The following GRM1 variants were observed in gnomAD, a reference collection of about 807,000 sequenced individuals.
GRM1 encodes the protein glutamate metabotropic receptor 1.
GRM1 carries 33 observed loss-of-function variants against 90.9 expected under a neutral mutation model. The ratio of observed to expected loss-of-function variants is 0.36; its 90% CI spans 0.28 to 0.49. The LOEUF (loss-of-function observed/expected upper bound fraction) is 0.49, where lower values mean the gene tolerates loss of function less well. Among genes scored for constraint, GRM1 ranks in the 20% least tolerant of loss-of-function variants. GRM1 has a pLI of 0.99. For synonymous variants in GRM1, 700 were observed against 613.2 expected, an observed-to-expected ratio of 1.14 and a Z score of -2.09; for missense variants, 1,190 against 1,534.3, an observed-to-expected ratio of 0.78 and a Z score of 3.75.
At chr6:146,422,910 G>GAAAAA (rs935414968) in intron 7 of GRM1, among the ~76,000 whole-genome samples, 4 of 149,554 alleles carry the variant, frequency 2.7e-5, no homozygotes, top group African/African-American at 9.8e-5. Context: ...GAAAGGAAAG[G>GAAAAA]AAAAAGGAAT....
intron 7 of GRM1, among the ~76,000 whole-genome samples, chr6:146,426,828 G>A (rs1778229376): frequency 6.6e-6 from 1 of 152,096 alleles, no homozygotes; most frequent in East Asian, 1.9e-4. Context: ...ACACTGTCAA[G>A]TTGTTCATTT....
intron 1 of GRM1, among the ~76,000 whole-genome samples, chr6:146,088,614 C>T (rs1297591525): frequency 2.6e-5 from 4 of 152,096 alleles, no homozygotes; most frequent in Non-Finnish European, 5.9e-5. Context: ...TGTTTTAAGT[C>T]TTACCAGGAT....
At chr6:146,140,086 CTTTA>C in intron 1 of GRM1, among the ~76,000 whole-genome samples, 1 of 105,938 alleles carries the variant, frequency 9.4e-6, no homozygotes, top group East Asian at 3.1e-4. Flanking sequence ...TCCTTTCTTT[CTTTA>C]TTCTTTCTTT....
In GRM1 at chr6:146,394,490, A is replaced by G. The variant is rs540000392; in HGVS notation, c.1730-4279A>G. 3.3e-5 allele frequency among the ~76,000 whole-genome samples: 5 copies of G among 152,224 alleles called. No homozygotes were observed. In the South Asian group the frequency reaches 1.0e-3, roughly 32 times the overall value. ...ATTATATGGTTATTAGCATGCTCCA[A>G]GGTCTTTGGGTCAGCAGTTAACTTC... On this transcript the variant is annotated intron_variant, in intron 6 of 7. Transcript: ENST00000282753.
chr6:146,108,157 C>T (rs1583012672), intron 1 of GRM1, among the ~76,000 whole-genome samples: 1 of 152,090 alleles, frequency 6.6e-6, no homozygotes, highest in Admixed American at 6.6e-5. Flanking sequence ...TGCTAAGTTG[C>T]CTAGCTGATA....
At chr6:146,311,154 A>G (rs1783757618) in intron 3 of GRM1, among the ~76,000 whole-genome samples, 1 of 152,208 alleles carries the variant, frequency 6.6e-6, no homozygotes, top group South Asian at 2.1e-4. Flanking sequence ...AGCAAAGCCA[A>G]AAAGTTTTAT....
intron 6 of GRM1, among the ~76,000 whole-genome samples, chr6:146,387,295 T>C (rs1450881294): frequency 6.6e-6 from 1 of 152,096 alleles, no homozygotes; most frequent in Non-Finnish European, 1.5e-5. Flanking sequence ...TATTTGAAGG[T>C]ATTTCTGGCC....
At chr6:146,361,031 G>A (rs926301376) in intron 5 of GRM1, among the ~76,000 whole-genome samples, 12 of 152,208 alleles carry the variant, frequency 7.9e-5, no homozygotes, top group South Asian at 4.1e-4. Context: ...GTTCTGCTTC[G>A]TGTGGCCAAA....
intron 2 of GRM1, among the ~76,000 whole-genome samples, chr6:146,227,536 G>A (rs927375625): frequency 3.3e-5 from 5 of 152,074 alleles, no homozygotes; most frequent in Non-Finnish European, 7.4e-5. Context: ...TTTTTGATTT[G>A]ACAAATAGGA....
chr6:146,118,101 CATTT>C (rs960638436), intron 1 of GRM1, among the ~76,000 whole-genome samples: 1 of 148,836 alleles, frequency 6.7e-6, no homozygotes, highest in Non-Finnish European at 1.5e-5. Context: ...ATCTGACATA[CATTT>C]ATTTATTTAT....
At chr6:146,301,286 A>G (rs1783369337) in intron 2 of GRM1, among the ~76,000 whole-genome samples, 1 of 152,222 alleles carries the variant, frequency 6.6e-6, no homozygotes. Context: ...CTAGTGGTTA[A>G]GGAGACTTAG....
chr6:146,178,986 T>C (rs1778441241), intron 2 of GRM1, among the ~76,000 whole-genome samples: 1 of 152,202 alleles, frequency 6.6e-6, no homozygotes, highest in Non-Finnish European at 1.5e-5. Flanking sequence ...TCGATTTTAA[T>C]GCCTTGGAAG....
At chr6:146,423,702 T>G (rs1778091706) in intron 7 of GRM1, among the ~76,000 whole-genome samples, 1 of 152,132 alleles carries the variant, frequency 6.6e-6, no homozygotes, top group Non-Finnish European at 1.5e-5. Context: ...TGCACCACAC[T>G]GTGGGACTCT....
rs142271838 is a variant in GRM1 at position 146,382,306 on chromosome 6, A to G, written c.1603-4584A>G. Among the ~76,000 whole-genome samples the G allele has an allele frequency of 3.8e-3, 490 of 130,228 alleles. 5 individuals carry two copies. The highest frequency in any genetic ancestry group is 0.013 in the African/African-American group (469 of 36,360). 85.4% of individuals were successfully genotyped at this position (130,228 alleles called of 152,430 possible). ...GGAAACTAGAACATATATAAGAGAT[A>G]TAAGAACCTAAGATTTAAAAAAAAA... On this transcript the variant is annotated intron_variant, in intron 5 of 7. Coordinates refer to ENST00000282753, the MANE Select transcript of GRM1 (RefSeq NM_001278064.2).
At chr6:146,264,365 T>A (rs1035141932) in intron 2 of GRM1, among the ~76,000 whole-genome samples, 2 of 152,118 alleles carry the variant, frequency 1.3e-5, no homozygotes, top group Non-Finnish European at 2.9e-5. Flanking sequence ...ATAAATTTAA[T>A]AAAAGGTTTA....
At chr6:146,381,189 AG>A (rs1328718284) in intron 5 of GRM1, among the ~76,000 whole-genome samples, 1 of 152,196 alleles carries the variant, frequency 6.6e-6, no homozygotes, top group Non-Finnish European at 1.5e-5. Flanking sequence ...GTTCAGCCCT[AG>A]GACTCACCTA....
chr6:146,032,499 G>A (rs1790742481), intron 1 of GRM1, among the ~76,000 whole-genome samples: 1 of 152,128 alleles, frequency 6.6e-6, no homozygotes, highest in Admixed American at 6.5e-5. Flanking sequence ...CTGCTTTTCA[G>A]GGCCCCATAG....
chr6:146,339,355 G>A (rs908614410), intron 3 of GRM1, among the ~76,000 whole-genome samples: 4 of 152,070 alleles, frequency 2.6e-5, no homozygotes, highest in African/African-American at 9.7e-5. Flanking sequence ...ACATCTCATA[G>A]TTTCAGACTA....
intron 4 of GRM1, among the ~76,000 whole-genome samples, chr6:146,352,771 T>C (rs1785453309): frequency 6.6e-6 from 1 of 152,196 alleles, no homozygotes. Flanking sequence ...TCCAGAATGC[T>C]TGGGACCTTC....
Sources: gnomAD v4.1 joint callset for allele counts (sites outside exome capture counted in the v4.1 genomes callset) on GRCh38, gnomAD v4.1.1 for gene constraint, MANE v1.5 for transcripts, NCBI Gene and HGNC (gene_info 2026-07-23, HGNC 2026-07-21) for gene names.